RBMS3: variants seen among roughly 807,000 people sequenced by gnomAD.
The protein encoded by RBMS3 is RNA-binding motif, single-stranded-interacting protein 3.
A neutral mutation model predicts 66.8 loss-of-function variants in RBMS3; 27 were observed. That is an observed-to-expected ratio of 0.40 (90% CI 0.30 to 0.56). RBMS3 has a LOEUF of 0.56. Ranked by LOEUF, RBMS3 falls within the 20% of genes least tolerant of loss-of-function variation. RBMS3 has a pLI of 0.40. For missense variants in RBMS3, 513 were observed against 549.5 expected (o/e 0.93, Z 0.66); for synonymous variants, 188 against 183.0 (o/e 1.03, Z -0.22).
At chr3:29,646,420 C>A (rs1251805328) in intron 4 of RBMS3, among the ~76,000 whole-genome samples, 3 of 152,176 alleles carry the variant, frequency 2.0e-5, no homozygotes, top group Non-Finnish European at 4.4e-5. Context: ...CTTGTAATTG[C>A]ATCTCATCAT....
chr3:29,654,622 A>G (rs2050261200), intron 4 of RBMS3, among the ~76,000 whole-genome samples: 1 of 139,504 alleles, frequency 7.2e-6, no homozygotes, highest in African/African-American at 2.7e-5. Flanking sequence ...AGAGAGTTTC[A>G]TTCTGTCACT....
At chr3:29,860,948 C>G (rs529849356) in intron 6 of RBMS3, among the ~76,000 whole-genome samples, 1 of 152,252 alleles carries the variant, frequency 6.6e-6, no homozygotes, top group South Asian at 2.1e-4. Context: ...GCAGTGAGCT[C>G]CGCCTCCCCG....
At chr3:29,807,054 T>C (rs2057572856) in intron 6 of RBMS3, among the ~76,000 whole-genome samples, 1 of 151,934 alleles carries the variant, frequency 6.6e-6, no homozygotes, top group Admixed American at 6.6e-5. Context: ...TGAAAATATA[T>C]GCTTCAATTT....
Position 29,618,528 on chromosome 3 carries a change from A to T in RBMS3, c.399+31323A>T, listed in dbSNP as rs555297087. 9.9e-5 allele frequency among the ~76,000 whole-genome samples: 15 copies of T among 152,110 alleles called. No homozygotes were observed. The East Asian group carries it at 2.9e-3, about 29-fold the overall frequency. ...TCTCAAAAAAAGAAAGAAAAAAAAA[A>T]TAGCACAGAGCAAAGCCCATTTCTC... On this transcript the variant is annotated intron_variant, in intron 4 of 14. Transcript: ENST00000383767.
At chr3:29,907,895 T>A (rs2149624955) in intron 10 of RBMS3, among the ~76,000 whole-genome samples, 1 of 152,180 alleles carries the variant, frequency 6.6e-6, no homozygotes, top group Non-Finnish European at 1.5e-5. Context: ...TAAAAAATAA[T>A]CTATTACTCC....
chr3:29,449,023 G>A (rs2041928047), intron 2 of RBMS3, among the ~76,000 whole-genome samples: 1 of 152,076 alleles, frequency 6.6e-6, no homozygotes, highest in South Asian at 2.1e-4. Flanking sequence ...CTCTGGACTT[G>A]GGTACTTCAG....
intron 12 of RBMS3, among the ~76,000 whole-genome samples, chr3:29,968,298 A>G (rs1696986857): frequency 6.6e-6 from 1 of 152,124 alleles, no homozygotes; most frequent in Non-Finnish European, 1.5e-5. Flanking sequence ...AGGGCTTTAG[A>G]TCTTCCCCTG....
At chr3:29,404,584 T>C (rs866024463) in intron 1 of RBMS3, among the ~76,000 whole-genome samples, 2 of 152,140 alleles carry the variant, frequency 1.3e-5, no homozygotes, top group South Asian at 4.1e-4. Context: ...GTGAGCTCTT[T>C]TGTTTCCATC....
chr3:29,380,827 A>C (rs1043633232), intron 1 of RBMS3, among the ~76,000 whole-genome samples: 1 of 152,226 alleles, frequency 6.6e-6, no homozygotes, highest in Non-Finnish European at 1.5e-5. Flanking sequence ...AAAAACCTAT[A>C]GACCACTTTG....
intron 4 of RBMS3, among the ~76,000 whole-genome samples, chr3:29,602,144 A>G (rs1420451427): frequency 1.3e-5 from 2 of 152,060 alleles, no homozygotes; most frequent in Non-Finnish European, 1.5e-5. Flanking sequence ...TTTTGCCAGC[A>G]TAATTGCACG....
At chr3:29,495,102 C>A (rs1317472164) in intron 3 of RBMS3, among the ~76,000 whole-genome samples, 1 of 147,460 alleles carries the variant, frequency 6.8e-6, no homozygotes, top group Non-Finnish European at 1.5e-5. Context: ...TTCATTCATT[C>A]ATTCATTATT....
At chr3:29,599,998 G>A (rs971993240) in intron 4 of RBMS3, among the ~76,000 whole-genome samples, 1 of 151,966 alleles carries the variant, frequency 6.6e-6, no homozygotes, top group African/African-American at 2.4e-5. Context: ...AATATTACTA[G>A]TAGTAAAATA....
At chr3:29,892,938 A>T (rs1416276182) in intron 8 of RBMS3, among the ~76,000 whole-genome samples, 1 of 151,014 alleles carries the variant, frequency 6.6e-6, no homozygotes, top group African/African-American at 2.4e-5. Context: ...AAGCTAAGAG[A>T]TTTGGAAACA....
intron 14 of RBMS3, among the ~76,000 whole-genome samples, chr3:29,992,572 A>T (rs113452523): frequency 0.06 from 9,172 of 152,192 alleles, 382 homozygotes; most frequent in Non-Finnish European, 0.091. Flanking sequence ...ACTGCACTCC[A>T]GCCTGGGTGA....
At chr3:29,498,971 GT>G (rs1559413732) in intron 3 of RBMS3, among the ~76,000 whole-genome samples, 2 of 152,242 alleles carry the variant, frequency 1.3e-5, no homozygotes, top group East Asian at 3.9e-4. Context: ...ACCTTTTGGT[GT>G]TGGCTATATG....
intron 10 of RBMS3, among the ~76,000 whole-genome samples, chr3:29,905,712 G>A (rs1284796560): frequency 6.6e-6 from 1 of 151,962 alleles, no homozygotes; most frequent in Non-Finnish European, 1.5e-5. Context: ...AATTGTCTTA[G>A]GCCACACATA....
chr3:29,833,609 T>C (rs1256142629), intron 6 of RBMS3, among the ~76,000 whole-genome samples: 3 of 152,080 alleles, frequency 2.0e-5, no homozygotes, highest in Non-Finnish European at 4.4e-5. Flanking sequence ...CTTGAAGATA[T>C]ATCATTTGAA....
intron 14 of RBMS3, among the ~76,000 whole-genome samples, chr3:29,996,273 C>T (rs1440380197): frequency 1.3e-5 from 2 of 151,582 alleles, no homozygotes; most frequent in African/African-American, 4.9e-5. Flanking sequence ...TAAAGCAAGT[C>T]CTTAGTGACC....
At chr3:29,787,569 A>G (rs2056862183) in intron 6 of RBMS3, among the ~76,000 whole-genome samples, 1 of 152,202 alleles carries the variant, frequency 6.6e-6, no homozygotes, top group African/African-American at 2.4e-5. Context: ...ATTGGAGACT[A>G]TTATTCTAAG....
Sources: gnomAD v4.1 joint callset for allele counts (sites outside exome capture counted in the v4.1 genomes callset) on GRCh38, gnomAD v4.1.1 for gene constraint, MANE v1.5 for transcripts, NCBI Gene and HGNC (gene_info 2026-07-23, HGNC 2026-07-21) for gene names.